ANTXR2: variants seen among roughly 807,000 people sequenced by gnomAD.
ANTXR2 encodes the protein ANTXR cell adhesion molecule 2.
ANTXR2 carries 44 observed loss-of-function variants against 73.7 expected under a neutral mutation model. The observed-to-expected ratio is 0.60, with a 90% CI of 0.47 to 0.77. ANTXR2 has a LOEUF of 0.77. Among genes scored for constraint, ANTXR2 ranks in the 30% least tolerant of loss-of-function variants. ANTXR2 has a pLI of 0.00. For missense variants in ANTXR2, 604 were observed against 592.5 expected (o/e 1.02, Z -0.20); for synonymous variants, 217 against 205.9 (o/e 1.05, Z -0.46).
intron 8 of ANTXR2, 56 bp downstream of exon 8, chr4:80,035,916 T>A: frequency 7.1e-7 from 1 of 1,400,430 alleles, no homozygotes; most frequent in Non-Finnish European, 9.7e-7. Context: ...TCATATATTT[T>A]AGCTAGGAAA....
At chr4:80,059,452 G>T (rs1274419992) in intron 3 of ANTXR2, among the ~76,000 whole-genome samples, 1 of 151,846 alleles carries the variant, frequency 6.6e-6, no homozygotes, top group African/African-American at 2.4e-5. Flanking sequence ...TCAAACCCCT[G>T]GACTCATGCA....
intron 16 of ANTXR2, among the ~76,000 whole-genome samples, chr4:79,919,841 C>A: frequency 1.1e-5 from 1 of 89,614 alleles, no homozygotes; most frequent in Admixed American, 1.2e-4. Flanking sequence ...AGTTCTGTCC[C>A]TCTAGAGAAT....
chr4:80,034,014 G>C (rs920468325), intron 8 of ANTXR2, among the ~76,000 whole-genome samples: 2 of 152,016 alleles, frequency 1.3e-5, no homozygotes, highest in Non-Finnish European at 2.9e-5. Context: ...TCGAAAAGTC[G>C]TATGTAGTAC....
chr4:80,069,835 A>G (rs1035335921), intron 2 of ANTXR2, among the ~76,000 whole-genome samples: 1 of 152,168 alleles, frequency 6.6e-6, no homozygotes, highest in Non-Finnish European at 1.5e-5. Context: ...TTTCTACAAC[A>G]TTTCCTTTAA....
chr4:79,943,502 G>A (rs1457381525), intron 16 of ANTXR2, among the ~76,000 whole-genome samples: 8 of 59,966 alleles, frequency 1.3e-4, no homozygotes, highest in African/African-American at 4.8e-4. Flanking sequence ...ACCAAACACC[G>A]CATATTCTCA....
At chr4:79,947,946 C>A (rs1728573896) in intron 16 of ANTXR2, among the ~76,000 whole-genome samples, 1 of 152,226 alleles carries the variant, frequency 6.6e-6, no homozygotes, top group Admixed American at 6.5e-5. Flanking sequence ...ATTTTAGCTT[C>A]ATAGAAATCT....
intron 8 of ANTXR2, 66 bp from the exon 9 acceptor site, chr4:80,033,636 G>A: frequency 8.3e-7 from 1 of 1,209,428 alleles, no homozygotes; most frequent in Non-Finnish European, 1.2e-6. Context: ...AACACAAGCT[G>A]AAATGAAAGT....
intron 16 of ANTXR2, among the ~76,000 whole-genome samples, chr4:79,955,899 T>A (rs1007174357): frequency 6.6e-6 from 1 of 152,148 alleles, no homozygotes; most frequent in African/African-American, 2.4e-5. Context: ...CAGCTCCTAA[T>A]CTCTTGCATA....
intron 7 of ANTXR2, among the ~76,000 whole-genome samples, chr4:80,049,836 T>G (rs1733694372): frequency 1.3e-5 from 2 of 151,774 alleles, no homozygotes; most frequent in African/African-American, 4.8e-5. Context: ...ACTTCCAGTT[T>G]CACTGCCCAT....
Position 79,993,760 on chromosome 4 carries a change from G to GCGCGCGCGCGCGCACACACA in ANTXR2, c.1042-8898_1042-8897insTGTGTGTGCGCGCGCGCGCG, listed in dbSNP as rs71662888. Reference sequence around the variant, plus strand: ...GGCAATACACCACACACACACACACGCACACACACACACACACACACACAT... The same window carrying GCGCGCGCGCGCGCACACACA: ...GGCAATACACCACACACACACACACGCGCGCGCGCGCGCACACACACACACACACACACACACACACACAT... On this transcript the variant is annotated intron_variant, in intron 12 of 16. Transcript: ENST00000403729. Among the ~76,000 whole-genome samples, 36 of 140,770 alleles carry GCGCGCGCGCGCGCACACACA rather than the reference G, an allele frequency of 2.6e-4. No individual in the cohort carries two copies. In the East Asian group the frequency reaches 7.3e-3, roughly 28 times the overall value. 92.4% of individuals were successfully genotyped at this position (140,770 alleles called of 152,430 possible).
Position 80,072,819 on chromosome 4 carries a change from T to C in ANTXR2, c.-259A>G. ...GAATCCCAGTGGAAGCGCGATCCAG[T>C]CCTCCCCCTCCCGATTCCGGAGAGT... is the stretch of plus-strand genomic sequence containing the variant. On this transcript the variant is annotated 5_prime_UTR_variant, in exon 1 of 17. Coordinates refer to ENST00000403729, the MANE Select transcript of ANTXR2 (RefSeq NM_058172.6). 3 of 826,842 alleles carry C rather than the reference T, an allele frequency of 3.6e-6. No homozygotes were observed. Among genetic ancestry groups the C allele is most frequent in the Non-Finnish European group, 4.9e-6 (3 of 613,828 alleles). 51.2% of individuals were successfully genotyped at this position (826,842 alleles called of 1,614,324 possible).
At chr4:79,946,364 A>T (rs1728512053) in intron 16 of ANTXR2, among the ~76,000 whole-genome samples, 1 of 152,176 alleles carries the variant, frequency 6.6e-6, no homozygotes, top group Non-Finnish European at 1.5e-5. Context: ...TTTCTGTGAA[A>T]TGCAGTAGGA....
intron 16 of ANTXR2, among the ~76,000 whole-genome samples, chr4:79,976,888 GA>G (rs2041212836): frequency 6.6e-6 from 1 of 152,120 alleles, no homozygotes; most frequent in Non-Finnish European, 1.5e-5. Flanking sequence ...CTACTATTAT[GA>G]ACTGTACTGT....
chr4:80,000,757 C>T (rs1227908780), intron 12 of ANTXR2, among the ~76,000 whole-genome samples: 1 of 152,064 alleles, frequency 6.6e-6, no homozygotes. Context: ...AAAACTGGTA[C>T]AGCTAACCAG....
chr4:79,956,475 T>C (rs532431616), intron 16 of ANTXR2, among the ~76,000 whole-genome samples: 5 of 152,200 alleles, frequency 3.3e-5, no homozygotes, highest in African/African-American at 1.2e-4. Context: ...CTAGATTCTG[T>C]TACATTCGGC....
At chr4:79,927,117 T>C (rs1727845876) in intron 16 of ANTXR2, among the ~76,000 whole-genome samples, 1 of 151,154 alleles carries the variant, frequency 6.6e-6, no homozygotes, top group Non-Finnish European at 1.5e-5. Context: ...GGTACTGGCA[T>C]TTACGACAAC....
At chr4:80,031,206 A>G (rs890560989) in intron 10 of ANTXR2, among the ~76,000 whole-genome samples, 6 of 151,878 alleles carry the variant, frequency 4.0e-5, no homozygotes, top group African/African-American at 9.7e-5. Context: ...TTTAATCGCA[A>G]TATTTATTAA....
chr4:80,057,745 TTAAC>T lies in ANTXR2; in HGVS notation c.297-1736_297-1733del, dbSNP rs915675250. On this transcript the variant is annotated intron_variant, in intron 3 of 16. Coordinates refer to ENST00000403729, the MANE Select transcript of ANTXR2 (RefSeq NM_058172.6). ...TAAAAACATTCAACTTTCTAATAATTTAACTAATTTAATTTAAATATTCACTTTT... is the reference window on the plus strand; with the variant it reads ...TAAAAACATTCAACTTTCTAATAATTTAATTTAATTTAAATATTCACTTTT... Among the ~76,000 whole-genome samples the T allele has an allele frequency of 5.3e-5, 8 of 152,142 alleles. No individual in the cohort carries two copies. In the East Asian group the frequency reaches 5.8e-4, roughly 11 times the overall value.
intron 16 of ANTXR2, among the ~76,000 whole-genome samples, chr4:79,935,583 GT>G (rs755639722): frequency 9.2e-5 from 14 of 152,114 alleles, no homozygotes; most frequent in Non-Finnish European, 1.8e-4. Flanking sequence ...TGAAGCCTGA[GT>G]CAAAACATTA....
Sources: allele counts gnomAD v4.1 joint callset (sites outside exome capture counted in the v4.1 genomes callset), GRCh38; gene constraint gnomAD v4.1.1; transcripts MANE v1.5; gene names NCBI Gene and HGNC (gene_info 2026-07-23, HGNC 2026-07-21).